Variants in PCDHA5 observed in about 807,000 individuals in gnomAD.
The protein encoded by PCDHA5 is protocadherin alpha 5, also known as protocadherin alpha-5.
A neutral mutation model predicts 61.6 loss-of-function variants in PCDHA5; 43 were observed. The ratio of observed to expected loss-of-function variants is 0.70; its 90% CI spans 0.55 to 0.90. PCDHA5 has a LOEUF of 0.90. Among genes scored for constraint, PCDHA5 ranks in the 40% least tolerant of loss-of-function variants. The pLI is 0.00. For missense variants in PCDHA5, 1,298 were observed against 1,222.7 expected (o/e 1.06, Z -0.92); for synonymous variants, 627 against 543.9 (o/e 1.15, Z -2.13).
chr5:140,949,852 T>C (rs1311994394), intron 1 of PCDHA5, among the ~76,000 whole-genome samples: 1 of 151,956 alleles, frequency 6.6e-6, no homozygotes. Context: ...TGTTTCCGCT[T>C]ATCTGTTGTC....
At chr5:140,916,606 C>A (rs561641984) in intron 1 of PCDHA5, among the ~76,000 whole-genome samples, 1 of 152,168 alleles carries the variant, frequency 6.6e-6, no homozygotes, top group African/African-American at 2.4e-5. Context: ...GGAATGCGGG[C>A]CTCATGACTC....
intron 1 of PCDHA5, chr5:140,835,971 C>A: frequency 1.2e-6 from 2 of 1,613,332 alleles, no homozygotes; most frequent in African/African-American, 1.3e-5. Context: ...GGAGCTGGAG[C>A]TGTTGCAGTT....
intron 3 of PCDHA5, among the ~76,000 whole-genome samples, chr5:140,994,353 C>T (rs1321687113): frequency 6.6e-6 from 1 of 152,110 alleles, no homozygotes; most frequent in East Asian, 1.9e-4. Flanking sequence ...TGTGGGACCT[C>T]AGAAGATGGA....
intron 1 of PCDHA5, chr5:140,856,300 T>C (rs1251498133): frequency 1.3e-6 from 2 of 1,598,422 alleles, no homozygotes; most frequent in African/African-American, 2.7e-5. Context: ...GCATTTTGTT[T>C]GTGAATTCTC....
chr5:140,968,569 C>G (rs1554230875), intron 1 of PCDHA5: 18 of 1,614,086 alleles, frequency 1.1e-5, no homozygotes, highest in Non-Finnish European at 1.5e-5. Context: ...CCCCTGCTGG[C>G]TACCTGGTCA....
At chr5:140,959,285 G>A (rs2095478960) in intron 1 of PCDHA5, among the ~76,000 whole-genome samples, 1 of 152,002 alleles carries the variant, frequency 6.6e-6, no homozygotes, top group African/African-American at 2.4e-5. Flanking sequence ...CCTGAGGTGG[G>A]AGCATCACTG....
At chr5:140,907,857 G>C (rs1554193158) in intron 1 of PCDHA5, among the ~76,000 whole-genome samples, 1 of 152,210 alleles carries the variant, frequency 6.6e-6, no homozygotes, top group Non-Finnish European at 1.5e-5. Flanking sequence ...CTCTGCTGAG[G>C]CCAGCCGTTG....
chr5:140,824,094 A>T lies in PCDHA5; in HGVS notation c.2319A>T (p.Pro773=). 6.2e-7 allele frequency: 1 copy of T among 1,614,156 alleles called. No homozygotes were observed. Among genetic ancestry groups the T allele is most frequent in the Non-Finnish European group, 8.5e-7 (1 of 1,180,004 alleles). The stretch of plus-strand genomic sequence containing the variant: ...AAACAGACCTCATGGCCTTCAGTCC[A>T]AGCCTTCCTCAGGGTCCCACCTCTA... ...PPKTDLMAFS[P]SLPQGPTSTD... Residue 773 remains proline, a synonymous_variant, in exon 1 of 4, where the codon CCA becomes CCT. Transcript: ENST00000529859.
In PCDHA5 at chr5:140,937,678, T is replaced by C. The variant is rs570305485; in HGVS notation, c.2353-41271T>C. On this transcript the variant is annotated intron_variant, in intron 1 of 3. Coordinates refer to ENST00000529859, the MANE Select transcript of PCDHA5 (RefSeq NM_018908.3). ...CTGTAATCCCAGCACTTTGGGAGGC[T>C]GAGGCAGGCGGATCACGAGGTCAGG... Among the ~76,000 whole-genome samples the C allele has an allele frequency of 5.4e-3, 825 of 151,734 alleles. 2 individuals are homozygous for C. Among genetic ancestry groups the C allele is most frequent in the African/African-American group, 0.019 (794 of 41,384 alleles).
At chr5:140,850,671 A>T in intron 1 of PCDHA5, 1 of 1,598,160 alleles carries the variant, frequency 6.3e-7, no homozygotes, top group Non-Finnish European at 8.6e-7. Context: ...GTGCTCGGCG[A>T]TGCCCACCGA....
chr5:140,876,118 G>T, intron 1 of PCDHA5: 1 of 1,613,926 alleles, frequency 6.2e-7, no homozygotes, highest in South Asian at 1.1e-5. Context: ...GATGGTAATC[G>T]ATGGCGGTAA....
intron 1 of PCDHA5, chr5:140,834,770 C>A (rs2150226024): frequency 6.8e-6 from 11 of 1,613,922 alleles, no homozygotes; most frequent in Middle Eastern, 3.3e-4. Context: ...TTAACGACAA[C>A]CCTCCGGTGT....
At chr5:140,998,977 ATAG>A (rs2097842205) in intron 3 of PCDHA5, among the ~76,000 whole-genome samples, 1 of 152,242 alleles carries the variant, frequency 6.6e-6, no homozygotes, top group African/African-American at 2.4e-5. Flanking sequence ...ATCCTAGAAA[ATAG>A]TAGAAAGCAG....
At chr5:140,928,625 A>C in intron 1 of PCDHA5, 1 of 1,614,224 alleles carries the variant, frequency 6.2e-7, no homozygotes, top group Non-Finnish European at 8.5e-7. Flanking sequence ...AGGACTGGAC[A>C]CTTGGTCACA....
At chr5:140,830,225 G>A in intron 1 of PCDHA5, 7 of 1,613,898 alleles carry the variant, frequency 4.3e-6, no homozygotes, top group Non-Finnish European at 5.1e-6. Context: ...CAGCCTGCTG[G>A]TCCTCACGCT....
chr5:140,959,000 G>A (rs1239762631), intron 1 of PCDHA5, among the ~76,000 whole-genome samples: 1 of 151,884 alleles, frequency 6.6e-6, no homozygotes, highest in Admixed American at 6.6e-5. Flanking sequence ...ATCTTTTACT[G>A]TACCTAATTT....
At chr5:141,006,105 G>GT (rs79904017) in intron 3 of PCDHA5, among the ~76,000 whole-genome samples, 4,283 of 143,138 alleles carry the variant, frequency 0.03, 125 homozygotes, top group African/African-American at 0.081. Flanking sequence ...ATGGTAAGGA[G>GT]TTTTTTTTTT....
chr5:140,825,245 T>C (rs1257596640), intron 1 of PCDHA5: 1 of 151,538 alleles, frequency 6.6e-6, no homozygotes, highest in Non-Finnish European at 1.5e-5. Context: ...ATCTATGGTG[T>C]TCCATTGTGT....
intron 3 of PCDHA5, among the ~76,000 whole-genome samples, chr5:140,983,986 G>A (rs1475891501): frequency 2.0e-5 from 3 of 152,176 alleles, no homozygotes; most frequent in African/African-American, 7.2e-5. Context: ...ACGAGTTGAA[G>A]CAATTCATTA....
Sources: gnomAD v4.1 joint callset for allele counts (sites outside exome capture counted in the v4.1 genomes callset) on GRCh38, gnomAD v4.1.1 for gene constraint, MANE v1.5 for transcripts, NCBI Gene and HGNC (gene_info 2026-07-23, HGNC 2026-07-21) for gene names.